Variants in INTS14 observed in about 807,000 individuals in gnomAD.
The protein encoded by INTS14 is UPF0464 protein C15orf44.
Under a neutral mutation model 56.9 loss-of-function variants are expected in INTS14, and 27 were observed. The ratio of observed to expected loss-of-function variants is 0.47; its 90% CI spans 0.35 to 0.65. INTS14 has a LOEUF of 0.65. INTS14 is among the 30% of genes least tolerant of loss of function. The pLI, the probability that INTS14 is intolerant of heterozygous loss-of-function variation, is 0.00. For missense variants in INTS14, 517 were observed against 632.2 expected (o/e 0.82, Z 1.95); for synonymous variants, 207 against 236.2 (o/e 0.88, Z 1.13).
intron 10 of INTS14, among the ~76,000 whole-genome samples, chr15:65,582,807 C>G (rs1320115059): frequency 1.3e-5 from 2 of 151,994 alleles, no homozygotes; most frequent in African/African-American, 4.8e-5. Context: ...CATGTATCTG[C>G]TAAGGATCAT....
At chr15:65,601,429 G>A (rs141458377) in intron 3 of INTS14, among the ~76,000 whole-genome samples, 2,056 of 152,078 alleles carry the variant, frequency 0.014, 20 homozygotes, top group Non-Finnish European at 0.019. Flanking sequence ...TGCAACCTCC[G>A]CCTCCCAGGT....
In INTS14 at chr15:65,579,196, T is replaced by C. The variant is rs575493112; in HGVS notation, c.*212A>G. ...AGCAGCTATCTTCCAAGCTTAAAAA[T>C]TATGAATCCCAGGAAGTTAAAGCCC... is the stretch of plus-strand genomic sequence containing the variant. On this transcript the variant is annotated 3_prime_UTR_variant, in exon 12 of 12. Coordinates refer to ENST00000313182, the MANE Select transcript of INTS14 (RefSeq NM_001394796.1). The C allele has an allele frequency of 5.0e-4, 293 of 583,664 alleles. 1 individual carries two copies. Among genetic ancestry groups the C allele is most frequent in the South Asian group, 3.9e-3 (156 of 39,788 alleles). 36.2% of individuals were successfully genotyped at this position (583,664 alleles called of 1,614,324 possible).
At chr15:65,601,351 T>C (rs1267866757) in intron 3 of INTS14, among the ~76,000 whole-genome samples, 1 of 149,752 alleles carries the variant, frequency 6.7e-6, no homozygotes, top group Non-Finnish European at 1.5e-5. Flanking sequence ...TAAGGCAGTA[T>C]TTTTTTTTTG....
intron 3 of INTS14, among the ~76,000 whole-genome samples, chr15:65,602,499 T>G (rs2073475298): frequency 6.6e-6 from 1 of 151,892 alleles, no homozygotes; most frequent in African/African-American, 2.4e-5. Context: ...TGGCCAGGCT[T>G]GTGTTTAACT....
At chr15:65,585,002 T>A in intron 9 of INTS14, 114 bp from the exon 10 acceptor site, 1 of 877,188 alleles carries the variant, frequency 1.1e-6, no homozygotes. Context: ...ATCACTTTGT[T>A]AATTAAGAAA....
rs1596243567 is a variant in INTS14, at chr15:65,589,862, C to T, written c.1120+1736G>A. 2.6e-5 allele frequency among the ~76,000 whole-genome samples: 4 copies of T among 152,286 alleles called. No individual in the cohort carries two copies. The South Asian group carries it at 8.3e-4, about 32-fold the overall frequency. On this transcript the variant is annotated intron_variant, in intron 9 of 11. Transcript: ENST00000313182. ...GGCTTACAACCTAAAATTTTATCTC[C>T]AACTCTGCCCTCTCTCCTAAACTTC... is the stretch of plus-strand genomic sequence containing the variant.
At chr15:65,605,538 AAAT>A (rs1265968509) in intron 2 of INTS14, among the ~76,000 whole-genome samples, 1 of 152,230 alleles carries the variant, frequency 6.6e-6, no homozygotes, top group Non-Finnish European at 1.5e-5. Context: ...CACATCACAA[AAAT>A]AATAACAAAA....
intron 1 of INTS14, chr15:65,610,762 G>C (rs1002161872): frequency 6.5e-7 from 1 of 1,535,648 alleles, no homozygotes; most frequent in Non-Finnish European, 8.7e-7. Flanking sequence ...TAAAAGTCCA[G>C]ACTGAAAATC....
At chr15:65,580,320 C>G (rs2072551994) in intron 11 of INTS14, among the ~76,000 whole-genome samples, 1 of 152,126 alleles carries the variant, frequency 6.6e-6, no homozygotes, top group Admixed American at 6.5e-5. Flanking sequence ...CTTTTGAGCT[C>G]TAATATGTAG....
intron 6 of INTS14, among the ~76,000 whole-genome samples, chr15:65,597,315 C>G (rs1164250880): frequency 6.6e-6 from 1 of 152,148 alleles, no homozygotes; most frequent in Non-Finnish European, 1.5e-5. Context: ...ATTGACTGAA[C>G]AATTACCTAT....
At chr15:65,599,508 C>A in intron 4 of INTS14, 1 of 282,490 alleles carries the variant, frequency 3.5e-6, no homozygotes, top group Non-Finnish European at 6.6e-6. Flanking sequence ...AAATGAACAA[C>A]ACCAAAAAGA....
intron 6 of INTS14, among the ~76,000 whole-genome samples, chr15:65,597,559 C>T (rs956982316): frequency 6.6e-6 from 1 of 152,200 alleles, no homozygotes; most frequent in East Asian, 1.9e-4. Context: ...AGCTGTGGTA[C>T]ATCACTTTCT....
At chr15:65,610,762 G>T (rs1002161872) in intron 1 of INTS14, 15 of 1,535,530 alleles carry the variant, frequency 9.8e-6, no homozygotes, top group Non-Finnish European at 1.1e-5. Context: ...TAAAAGTCCA[G>T]ACTGAAAATC....
intron 9 of INTS14, chr15:65,586,806 A>T (rs2072842367): frequency 6.6e-6 from 1 of 152,196 alleles, no homozygotes; most frequent in South Asian, 2.1e-4. Context: ...GTTCCAGAAA[A>T]GGAGAACAGA....
At chr15:65,611,057 G>A in intron 1 of INTS14, 41 bp downstream of exon 1, 1 of 1,535,576 alleles carries the variant, frequency 6.5e-7, no homozygotes, top group Non-Finnish European at 8.7e-7. Context: ...ACCCCAACAA[G>A]CAGCGAAAGG....
At chr15:65,599,543 T>C (rs765375673) in intron 4 of INTS14, 22 of 416,560 alleles carry the variant, frequency 5.3e-5, no homozygotes, top group Non-Finnish European at 9.3e-5. Context: ...TATGCACCCA[T>C]CAGCAGGATG....
chr15:65,605,913 T>A (rs539821642), intron 2 of INTS14, among the ~76,000 whole-genome samples: 24 of 152,234 alleles, frequency 1.6e-4, no homozygotes, highest in East Asian at 1.2e-3. Flanking sequence ...TTAAAAAAAA[T>A]TTTTTAAGTC....
intron 10 of INTS14, among the ~76,000 whole-genome samples, chr15:65,582,230 A>G (rs2141246659): frequency 6.6e-6 from 1 of 152,198 alleles, no homozygotes; most frequent in East Asian, 1.9e-4. Flanking sequence ...ATCCCCTGAC[A>G]GAAACGAACT....
chr15:65,592,595 C>G lies in INTS14; in HGVS notation c.986+833G>C, dbSNP rs550092884. Among the ~76,000 whole-genome samples, 3 of 152,276 alleles carry G rather than the reference C, an allele frequency of 2.0e-5. No homozygotes were observed. The East Asian group carries it at 5.8e-4, about 29-fold the overall frequency. ...TGACCTTGGGCAAGTTCCACAACCT[C>G]TCTTAAGCCTGTCTCCTCATCTATA... On this transcript the variant is annotated intron_variant, in intron 8 of 11. Transcript: ENST00000313182.
Sources: gnomAD v4.1 joint callset for allele counts (sites outside exome capture counted in the v4.1 genomes callset) on GRCh38, gnomAD v4.1.1 for gene constraint, MANE v1.5 for transcripts, NCBI Gene and HGNC (gene_info 2026-07-23, HGNC 2026-07-21) for gene names.